The following GRIA4 variants were observed in gnomAD, a reference collection of about 807,000 sequenced individuals.
GRIA4 encodes glutamate ionotropic receptor AMPA type subunit 4, also known as glutamate receptor 4.
A neutral mutation model predicts 104.0 loss-of-function variants in GRIA4; 34 were observed. That is an observed-to-expected ratio of 0.33 (90% CI 0.25 to 0.44). The LOEUF (loss-of-function observed/expected upper bound fraction) is 0.44, where lower values mean the gene tolerates loss of function less well. GRIA4 is among the 20% of genes least tolerant of loss of function. The pLI, the probability that GRIA4 is intolerant of heterozygous loss-of-function variation, is 1.00. For missense variants in GRIA4, 750 were observed against 1,096.5 expected (o/e 0.68, Z 4.46); for synonymous variants, 386 against 381.9 (o/e 1.01, Z -0.13).
At chr11:105,978,342 T>C (rs1300548345) in intron 16 of GRIA4, among the ~76,000 whole-genome samples, 2 of 140,410 alleles carry the variant, frequency 1.4e-5, no homozygotes, top group Non-Finnish European at 3.2e-5. Context: ...ACTATACATG[T>C]TTCTGTGAAG....
chr11:105,664,922 T>C (rs1029566571), intron 3 of GRIA4, among the ~76,000 whole-genome samples: 2 of 151,980 alleles, frequency 1.3e-5, no homozygotes, highest in Non-Finnish European at 2.9e-5. Flanking sequence ...TGATTCTTTT[T>C]CCAAAAGAAT....
chr11:105,659,402 T>C (rs943476077), intron 3 of GRIA4, among the ~76,000 whole-genome samples: 4 of 151,984 alleles, frequency 2.6e-5, no homozygotes, highest in African/African-American at 9.7e-5. Flanking sequence ...AACATTATTT[T>C]CCTTCATTGC....
At chr11:105,888,360 T>C (rs981292227) in intron 6 of GRIA4, among the ~76,000 whole-genome samples, 7 of 128,508 alleles carry the variant, frequency 5.4e-5, no homozygotes, top group Non-Finnish European at 9.5e-5. Flanking sequence ...CTCGGCTCAC[T>C]GCAAGCTCCG....
chr11:105,844,482 A>G (rs1023245440), intron 4 of GRIA4, among the ~76,000 whole-genome samples: 1 of 152,234 alleles, frequency 6.6e-6, no homozygotes, highest in African/African-American at 2.4e-5. Context: ...CCTTGCAGGG[A>G]ATAAAATGAA....
chr11:105,778,566 G>A (rs1941561638), intron 4 of GRIA4, among the ~76,000 whole-genome samples: 1 of 152,118 alleles, frequency 6.6e-6, no homozygotes, highest in Non-Finnish European at 1.5e-5. Flanking sequence ...TTAGCCGGGT[G>A]TGATGGCGTG....
chr11:105,649,329 T>C (rs930402936), intron 3 of GRIA4, among the ~76,000 whole-genome samples: 1 of 152,182 alleles, frequency 6.6e-6, no homozygotes, highest in Admixed American at 6.5e-5. Context: ...TGTTTCAGCA[T>C]GTCCATTTAT....
chr11:105,921,646 C>A (rs1288240735), intron 11 of GRIA4, among the ~76,000 whole-genome samples: 2 of 152,072 alleles, frequency 1.3e-5, no homozygotes, highest in African/African-American at 4.8e-5. Context: ...TCAGAAAACA[C>A]CTGTATTTCT....
chr11:105,623,090 T>TATATAC (rs1377161261), intron 3 of GRIA4, among the ~76,000 whole-genome samples: 55 of 123,202 alleles, frequency 4.5e-4, no homozygotes, highest in African/African-American at 1.5e-3. Flanking sequence ...TATATATATA[T>TATATAC]ACCATATTTT....
intron 4 of GRIA4, among the ~76,000 whole-genome samples, chr11:105,761,914 T>C (rs369297849): frequency 7.9e-5 from 12 of 152,248 alleles, no homozygotes; most frequent in African/African-American, 1.4e-4. Flanking sequence ...CTGTGTTAAA[T>C]TGAAAATTCA....
At chr11:105,772,469 T>C (rs985673107) in intron 4 of GRIA4, among the ~76,000 whole-genome samples, 1 of 152,144 alleles carries the variant, frequency 6.6e-6, no homozygotes, top group Non-Finnish European at 1.5e-5. Flanking sequence ...CTGTTCTCTA[T>C]GATTTTTCTG....
chr11:105,782,957 T>A (rs375557088), intron 4 of GRIA4, among the ~76,000 whole-genome samples: 1 of 152,130 alleles, frequency 6.6e-6, no homozygotes, highest in Non-Finnish European at 1.5e-5. Flanking sequence ...CATACATACA[T>A]ACACACACAA....
intron 4 of GRIA4, among the ~76,000 whole-genome samples, chr11:105,796,706 A>G (rs1024458319): frequency 6.6e-6 from 1 of 152,206 alleles, no homozygotes; most frequent in Admixed American, 6.5e-5. Flanking sequence ...GCTAGAAAAT[A>G]AAGTGGCCCC....
intron 5 of GRIA4, among the ~76,000 whole-genome samples, chr11:105,874,619 G>GAA (rs1945747286): frequency 1.3e-5 from 2 of 152,130 alleles, no homozygotes; most frequent in Non-Finnish European, 2.9e-5. Flanking sequence ...AGTTCTCCTT[G>GAA]AAGAGGTCCT....
intron 8 of GRIA4, 95 bp from the exon 9 acceptor site, chr11:105,905,102 C>G: frequency 1.4e-6 from 1 of 701,168 alleles, no homozygotes; most frequent in East Asian, 2.5e-5. Context: ...GTTTATAGTT[C>G]TACTTTTTTA....
intron 3 of GRIA4, among the ~76,000 whole-genome samples, chr11:105,626,479 G>A (rs1190996191): frequency 6.6e-6 from 1 of 152,106 alleles, no homozygotes; most frequent in South Asian, 2.1e-4. Context: ...AGAATGTTAA[G>A]TCACTCAAGA....
At chr11:105,777,465 T>C (rs1263976442) in intron 4 of GRIA4, among the ~76,000 whole-genome samples, 1 of 152,194 alleles carries the variant, frequency 6.6e-6, no homozygotes, top group South Asian at 2.1e-4. Flanking sequence ...AATATTTATG[T>C]GTCTTTCCTT....
chr11:105,625,792 T>A (rs1950871846), intron 3 of GRIA4, among the ~76,000 whole-genome samples: 1 of 152,112 alleles, frequency 6.6e-6, no homozygotes, highest in Admixed American at 6.6e-5. Flanking sequence ...AAGTCTATGC[T>A]CACACTCTGC....
chr11:105,707,257 CTT>C (rs1327286080), intron 3 of GRIA4: 1 of 153,308 alleles, frequency 6.5e-6, no homozygotes, highest in Non-Finnish European at 1.5e-5. Context: ...ATCCTCATGA[CTT>C]AGAAAAAGTT....
chr11:105,695,732 T>C (rs1436551864), intron 3 of GRIA4, among the ~76,000 whole-genome samples: 2 of 152,200 alleles, frequency 1.3e-5, no homozygotes, highest in African/African-American at 2.4e-5. Context: ...GCTTCTTTGA[T>C]AGGAGATGAG....
Sources: allele counts gnomAD v4.1 joint callset (sites outside exome capture counted in the v4.1 genomes callset), GRCh38; gene constraint gnomAD v4.1.1; transcripts MANE v1.5; gene names NCBI Gene and HGNC (gene_info 2026-07-23, HGNC 2026-07-21).